The following HS3ST4 variants were observed in gnomAD, a reference collection of about 807,000 sequenced individuals.
HS3ST4 encodes the protein heparan sulfate glucosamine 3-O-sulfotransferase 4.
Under a neutral mutation model 29.2 loss-of-function variants are expected in HS3ST4, and 17 were observed. The observed-to-expected ratio is 0.58, with a 90% CI of 0.40 to 0.87. HS3ST4 has a LOEUF of 0.87. Ranked by LOEUF, HS3ST4 falls within the 40% of genes least tolerant of loss-of-function variation. HS3ST4 has a pLI of 0.00. For synonymous variants in HS3ST4, 314 were observed against 285.7 expected (o/e 1.10, Z -1.00); for missense variants, 627 against 634.5 (o/e 0.99, Z 0.13).
intron 1 of HS3ST4, among the ~76,000 whole-genome samples, chr16:25,819,865 T>G (rs6497887): frequency 0.99 from 150,272 of 151,386 alleles, 74,594 homozygotes; most frequent in East Asian, 1. Flanking sequence ...ACAAAAATTA[T>G]CCGGGAATGG....
intron 1 of HS3ST4, among the ~76,000 whole-genome samples, chr16:26,017,071 A>T (rs1969368792): frequency 6.6e-6 from 1 of 152,244 alleles, no homozygotes; most frequent in Non-Finnish European, 1.5e-5. Flanking sequence ...CCAAGAGTGG[A>T]CATGTGGCAC....
chr16:25,887,021 T>A (rs549826278), intron 1 of HS3ST4: 14 of 152,280 alleles, frequency 9.2e-5, no homozygotes, highest in African/African-American at 3.1e-4. Context: ...GGAAGGGGTG[T>A]GAGAGCTTCT....
chr16:25,704,107 T>A (rs1290177012), intron 1 of HS3ST4, among the ~76,000 whole-genome samples: 1 of 152,218 alleles, frequency 6.6e-6, no homozygotes, highest in Non-Finnish European at 1.5e-5. Context: ...TCACCAATGA[T>A]AAATCAGTGA....
intron 1 of HS3ST4, among the ~76,000 whole-genome samples, chr16:25,956,992 C>T (rs1353736090): frequency 1.9e-4 from 19 of 102,678 alleles, no homozygotes; most frequent in African/African-American, 5.0e-4. Flanking sequence ...AGCGAGACTC[C>T]GTCTCAAAAA....
At chr16:25,988,989 G>A (rs1390477797) in intron 1 of HS3ST4, among the ~76,000 whole-genome samples, 1 of 152,138 alleles carries the variant, frequency 6.6e-6, no homozygotes, top group Non-Finnish European at 1.5e-5. Flanking sequence ...AGAACAATTT[G>A]CAAATCAGGC....
chr16:25,962,937 C>T (rs549485445), intron 1 of HS3ST4, among the ~76,000 whole-genome samples: 1 of 152,294 alleles, frequency 6.6e-6, no homozygotes, highest in South Asian at 2.1e-4. Context: ...AATCCTATTA[C>T]TATGAGTGCC....
intron 1 of HS3ST4, among the ~76,000 whole-genome samples, chr16:26,083,523 T>C (rs570930287): frequency 6.6e-6 from 1 of 152,342 alleles, no homozygotes; most frequent in South Asian, 2.1e-4. Context: ...ATATTAGATT[T>C]TGCAGACCAT....
At chr16:25,943,508 TTA>T (rs1968594673) in intron 1 of HS3ST4, among the ~76,000 whole-genome samples, 1 of 152,310 alleles carries the variant, frequency 6.6e-6, no homozygotes, top group Middle Eastern at 3.4e-3. Context: ...ATGGGTGGCT[TTA>T]TGTCTGTTCT....
At chr16:26,085,910 T>TAATAAC (rs1366543086) in intron 1 of HS3ST4, among the ~76,000 whole-genome samples, 31 of 148,000 alleles carry the variant, frequency 2.1e-4, no homozygotes, top group African/African-American at 7.1e-4. Flanking sequence ...ATAATAATAA[T>TAATAAC]AACAATAATA....
At chr16:25,783,202 A>G (rs562201366) in intron 1 of HS3ST4, among the ~76,000 whole-genome samples, 1 of 152,236 alleles carries the variant, frequency 6.6e-6, no homozygotes, top group Non-Finnish European at 1.5e-5. Flanking sequence ...CAATTTTCCA[A>G]TATGTTTCTT....
chr16:25,961,909 A>T (rs1171207860), intron 1 of HS3ST4, among the ~76,000 whole-genome samples: 3 of 152,206 alleles, frequency 2.0e-5, no homozygotes, highest in African/African-American at 7.2e-5. Context: ...TCTAGCTCCC[A>T]ATTATGTATG....
At chr16:25,819,697 C>T (rs572047033) in intron 1 of HS3ST4, among the ~76,000 whole-genome samples, 1 of 152,114 alleles carries the variant, frequency 6.6e-6, no homozygotes, top group Non-Finnish European at 1.5e-5. Flanking sequence ...ATTTTCCAGT[C>T]ATGCTATGGG....
At chr16:25,939,958 G>T (rs1968556955) in intron 1 of HS3ST4, among the ~76,000 whole-genome samples, 1 of 152,152 alleles carries the variant, frequency 6.6e-6, no homozygotes, top group African/African-American at 2.4e-5. Flanking sequence ...TGCCCCGGGA[G>T]TTACAACCAT....
intron 1 of HS3ST4, among the ~76,000 whole-genome samples, chr16:26,011,782 G>T (rs1170339741): frequency 6.6e-6 from 1 of 151,118 alleles, no homozygotes; most frequent in East Asian, 1.9e-4. Context: ...CACTGTTGTG[G>T]TTATAACAGC....
chr16:25,822,133 T>C (rs1436070013), intron 1 of HS3ST4, among the ~76,000 whole-genome samples: 2 of 152,152 alleles, frequency 1.3e-5, no homozygotes, highest in African/African-American at 4.8e-5. Flanking sequence ...TCTTAGTTCA[T>C]TGGGGGCTCT....
At chr16:25,880,836 A>T (rs554890878) in intron 1 of HS3ST4, among the ~76,000 whole-genome samples, 1 of 152,256 alleles carries the variant, frequency 6.6e-6, no homozygotes, top group Non-Finnish European at 1.5e-5. Flanking sequence ...TTTTAAATAA[A>T]GAGTATGACT....
chr16:25,814,991 A>G (rs1257557611), intron 1 of HS3ST4, among the ~76,000 whole-genome samples: 3 of 152,230 alleles, frequency 2.0e-5, no homozygotes, highest in African/African-American at 7.2e-5. Context: ...TGGAGAAATT[A>G]GACCTGCAGG....
At chr16:25,917,778 G>T (rs1185796796) in intron 1 of HS3ST4, among the ~76,000 whole-genome samples, 2 of 152,102 alleles carry the variant, frequency 1.3e-5, no homozygotes, top group Non-Finnish European at 2.9e-5. Flanking sequence ...AGCTTCTTTG[G>T]GAGAAGACAG....
intron 1 of HS3ST4, among the ~76,000 whole-genome samples, chr16:26,004,079 G>A (rs943023483): frequency 6.6e-6 from 1 of 152,066 alleles, no homozygotes; most frequent in Non-Finnish European, 1.5e-5. Context: ...ATTTACAGTC[G>A]TTTCAGTGAT....
Sources: allele counts gnomAD v4.1 joint callset (sites outside exome capture counted in the v4.1 genomes callset), GRCh38; gene constraint gnomAD v4.1.1; transcripts MANE v1.5; gene names NCBI Gene and HGNC (gene_info 2026-07-23, HGNC 2026-07-21).